RIPOR3: variants seen among roughly 807,000 people sequenced by gnomAD.
The protein encoded by RIPOR3 is RIPOR family member 3.
Under a neutral mutation model 114.3 loss-of-function variants are expected in RIPOR3, and 95 were observed. That is an observed-to-expected ratio of 0.83 (90% CI 0.70 to 0.99). RIPOR3 has a LOEUF of 0.99. Among genes scored for constraint, RIPOR3 ranks in the 50% least tolerant of loss-of-function variants. The pLI is 0.00. For synonymous variants in RIPOR3, 575 were observed against 543.8 expected (o/e 1.06, Z -0.80); for missense variants, 1,252 against 1,266.9 (o/e 0.99, Z 0.18).
intron 1 of RIPOR3, among the ~76,000 whole-genome samples, chr20:50,663,193 G>T (rs1013644322): frequency 6.6e-6 from 1 of 151,784 alleles, no homozygotes; most frequent in Non-Finnish European, 1.5e-5. Context: ...TCACTGACGT[G>T]ATTCTGCCTC....
At chr20:50,594,007 A>C (rs2083200009) in intron 17 of RIPOR3, among the ~76,000 whole-genome samples, 1 of 152,080 alleles carries the variant, frequency 6.6e-6, no homozygotes, top group Non-Finnish European at 1.5e-5. Flanking sequence ...GCAGTGGCTC[A>C]TGCCTGTAAT....
At chr20:50,605,738 A>T (rs1025122761) in intron 11 of RIPOR3, among the ~76,000 whole-genome samples, 13 of 151,546 alleles carry the variant, frequency 8.6e-5, no homozygotes, top group Non-Finnish European at 8.8e-5. Context: ...AGATCATGCC[A>T]CTGCTCTCCA....
chr20:50,636,995 C>G, intron 1 of RIPOR3: 1 of 821,222 alleles, frequency 1.2e-6, no homozygotes. Flanking sequence ...TAGGAGTTTC[C>G]AAAATAGCTC....
intron 1 of RIPOR3, among the ~76,000 whole-genome samples, chr20:50,686,205 C>T (rs1169627131): frequency 6.6e-6 from 1 of 151,784 alleles, no homozygotes; most frequent in Non-Finnish European, 1.5e-5. Context: ...TACAGGCGCC[C>T]ACCACCATGC....
At chr20:50,647,769 A>G (rs952797818) in intron 1 of RIPOR3, among the ~76,000 whole-genome samples, 2 of 151,650 alleles carry the variant, frequency 1.3e-5, no homozygotes, top group East Asian at 2.0e-4. Context: ...GGCATGAGCC[A>G]CCGCACCCGG....
intron 4 of RIPOR3, among the ~76,000 whole-genome samples, chr20:50,612,273 G>A (rs1274705855): frequency 2.0e-5 from 3 of 152,116 alleles, no homozygotes; most frequent in Admixed American, 6.6e-5. Context: ...AAATTCATCA[G>A]GGTCAAAGTT....
intron 1 of RIPOR3, among the ~76,000 whole-genome samples, chr20:50,669,827 T>G (rs1328178357): frequency 2.7e-5 from 4 of 146,754 alleles, no homozygotes; most frequent in South Asian, 2.2e-4. Flanking sequence ...ATGGCTCAGG[T>G]AGGGGTCAGA....
At chr20:50,660,749 C>CTTTTTT (rs58201824) in intron 1 of RIPOR3, among the ~76,000 whole-genome samples, 1 of 83,282 alleles carries the variant, frequency 1.2e-5, no homozygotes, top group Non-Finnish European at 2.3e-5. Flanking sequence ...TGGGATTTAC[C>CTTTTTT]TTTTTTTTTT....
chr20:50,649,662 G>C (rs1255504251), intron 1 of RIPOR3, among the ~76,000 whole-genome samples: 1 of 149,316 alleles, frequency 6.7e-6, no homozygotes, highest in Non-Finnish European at 1.5e-5. Context: ...AGGCTTTATT[G>C]CTTTTCCTGC....
chr20:50,594,512 C>T, intron 17 of RIPOR3, 41 bp downstream of exon 17: 3 of 1,594,596 alleles, frequency 1.9e-6, no homozygotes, highest in South Asian at 2.2e-5. Context: ...CTCAATACAG[C>T]CTTTCTGTGG....
intron 13 of RIPOR3, among the ~76,000 whole-genome samples, chr20:50,599,258 G>A (rs1276197813): frequency 6.6e-6 from 1 of 152,072 alleles, no homozygotes; most frequent in African/African-American, 2.4e-5. Flanking sequence ...CGGGCATGAT[G>A]GTACGTGCCT....
intron 2 of RIPOR3, among the ~76,000 whole-genome samples, chr20:50,629,737 A>G (rs1309942758): frequency 1.3e-5 from 2 of 152,150 alleles, no homozygotes; most frequent in Non-Finnish European, 2.9e-5. Flanking sequence ...AGCAGGGTGC[A>G]CCCACAATTC....
intron 6 of RIPOR3, 32 bp from the exon 7 acceptor site, chr20:50,609,754 C>T: frequency 7.4e-7 from 1 of 1,357,840 alleles, no homozygotes. Context: ...GTGGCGCTGC[C>T]CACGCGGAGG....
At chr20:50,647,048 G>A (rs533266221) in intron 1 of RIPOR3, among the ~76,000 whole-genome samples, 16 of 152,342 alleles carry the variant, frequency 1.1e-4, no homozygotes, top group Admixed American at 5.9e-4. Flanking sequence ...GGGGCCGGGC[G>A]TGGTGGCTCA....
chr20:50,609,812 T>C, intron 6 of RIPOR3, 90 bp from the exon 7 acceptor site: 1 of 1,332,950 alleles, frequency 7.5e-7, no homozygotes, highest in Non-Finnish European at 9.6e-7. Context: ...GGAGAGGCCC[T>C]CCCTGAGCTA....
At position 50,618,270 on chromosome 20, in the gene RIPOR3, C is replaced by CAAAAAA. The variant is rs61215608; in HGVS notation, c.269+1710_269+1715dup. Among the ~76,000 whole-genome samples, 273 of 67,384 alleles carry CAAAAAA rather than the reference C, an allele frequency of 4.1e-3. 32 individuals are homozygous for CAAAAAA. Among genetic ancestry groups the CAAAAAA allele is most frequent in the African/African-American group, 0.016 (224 of 13,958 alleles). The allele number at this position is 67,384 out of a possible 152,430, so 44.2% of individuals were successfully genotyped here. On this transcript the variant is annotated intron_variant, in intron 3 of 21. Transcript: ENST00000327979. ...TGGGTGACAGAGTGAGACTCCGTCT[C>CAAAAAA]AAAAAAAAAAAAAAAAAAAAAAAAA...
chr20:50,678,376 T>G (rs1600760081), intron 1 of RIPOR3, among the ~76,000 whole-genome samples: 1 of 152,180 alleles, frequency 6.6e-6, no homozygotes, highest in Non-Finnish European at 1.5e-5. Flanking sequence ...CTGTCCCACC[T>G]GGCTCAGGGA....
At chr20:50,628,521 G>A (rs73272601) in intron 2 of RIPOR3, among the ~76,000 whole-genome samples, 5,870 of 151,858 alleles carry the variant, frequency 0.039, 401 homozygotes, top group African/African-American at 0.14. Flanking sequence ...CTGCACACGC[G>A]CAGATCCACT....
At chr20:50,642,435 C>T (rs968231520) in intron 1 of RIPOR3, among the ~76,000 whole-genome samples, 1 of 151,384 alleles carries the variant, frequency 6.6e-6, no homozygotes, top group Non-Finnish European at 1.5e-5. Flanking sequence ...TGGCCAAATC[C>T]GTCACAGGTT....
Sources: allele counts gnomAD v4.1 joint callset (sites outside exome capture counted in the v4.1 genomes callset), GRCh38; gene constraint gnomAD v4.1.1; transcripts MANE v1.5; gene names NCBI Gene and HGNC (gene_info 2026-07-23, HGNC 2026-07-21).